Variants in KAZN observed in about 807,000 individuals in gnomAD.
KAZN encodes the protein kazrin, periplakin interacting protein.
In KAZN, 40 loss-of-function variants were observed where a neutral mutation model predicts 87.4. That is an observed-to-expected ratio of 0.46 (90% CI 0.36 to 0.60). The LOEUF (loss-of-function observed/expected upper bound fraction) is 0.60, where lower values mean the gene tolerates loss of function less well. Among genes scored for constraint, KAZN ranks in the 20% least tolerant of loss-of-function variants. The probability of loss-of-function intolerance (pLI) is 0.00; values close to 1 mark genes in which losing one functional copy is unlikely to be tolerated. For synonymous variants in KAZN, 466 were observed against 458.3 expected (o/e 1.02, Z -0.22); for missense variants, 898 against 1,073.9 (o/e 0.84, Z 2.29).
chr1:14,893,353 G>A (rs916871358), intron 1 of KAZN, among the ~76,000 whole-genome samples: 8 of 152,072 alleles, frequency 5.3e-5, no homozygotes, highest in African/African-American at 1.7e-4. Context: ...GCAACAGAGC[G>A]AGACTTTGTT....
In KAZN at chr1:15,103,443, C is replaced by T; in HGVS notation, c.1864C>T (p.Arg622Ter). 1.3e-6 allele frequency: 2 copies of T among 1,549,588 alleles called. No homozygotes were observed. The highest frequency in any genetic ancestry group is 1.7e-6 in the Non-Finnish European group (2 of 1,147,082). ...WTNQRVLKWV[R>*]DIDLKEYADN... ...CAACCAGCGGGTGCTCAAGTGGGTT[C>T]GAGACATCGACCTGAAGGTGAGGGT... Residue 622 changes from arginine to a stop codon, truncating the protein, a stop_gained, in exon 12 of 15, where the codon CGA becomes TGA. Coordinates refer to ENST00000376030, the MANE Select transcript of KAZN (RefSeq NM_201628.3). LOFTEE classifies it high-confidence loss of function.
intron 1 of KAZN, among the ~76,000 whole-genome samples, chr1:14,859,327 G>C (rs1039527309): frequency 6.6e-6 from 1 of 152,150 alleles, no homozygotes; most frequent in Non-Finnish European, 1.5e-5. Flanking sequence ...TGTGCAAGAA[G>C]TATTTTGCCC....
chr1:15,012,444 C>T (rs952446835), intron 2 of KAZN, among the ~76,000 whole-genome samples: 126 of 152,190 alleles, frequency 8.3e-4, no homozygotes, highest in African/African-American at 2.9e-3. Context: ...CAGTTGGTAC[C>T]TCACCGCTGG....
At chr1:14,914,267 A>G (rs546765167) in intron 1 of KAZN, among the ~76,000 whole-genome samples, 1 of 152,274 alleles carries the variant, frequency 6.6e-6, no homozygotes, top group African/African-American at 2.4e-5. Context: ...GGCTTACCTG[A>G]TTAGTCCCCC....
At chr1:14,828,243 G>A (rs945982941) in intron 1 of KAZN, among the ~76,000 whole-genome samples, 1 of 152,198 alleles carries the variant, frequency 6.6e-6, no homozygotes, top group African/African-American at 2.4e-5. Flanking sequence ...TTTTAAAAAG[G>A]AGAAAACAAC....
At chr1:14,721,758 A>G (rs1167014302) in intron 1 of KAZN, among the ~76,000 whole-genome samples, 1 of 152,216 alleles carries the variant, frequency 6.6e-6, no homozygotes, top group Non-Finnish European at 1.5e-5. Flanking sequence ...GTTTATTGTA[A>G]GGCAAATTGA....
intron 1 of KAZN, among the ~76,000 whole-genome samples, chr1:13,901,713 A>G (rs1472638531): frequency 1.3e-5 from 2 of 152,252 alleles, no homozygotes; most frequent in African/African-American, 4.8e-5. Context: ...GGCATCAGCG[A>G]TACTCTTAAC....
At chr1:14,182,565 T>C (rs1646220125) in intron 2 of KAZN, among the ~76,000 whole-genome samples, 1 of 152,210 alleles carries the variant, frequency 6.6e-6, no homozygotes. Flanking sequence ...CCCAGTCCTG[T>C]ATCCTGCTAG....
intron 1 of KAZN, among the ~76,000 whole-genome samples, chr1:14,815,092 C>T (rs2100801205): frequency 6.6e-6 from 1 of 152,260 alleles, no homozygotes; most frequent in Admixed American, 6.5e-5. Context: ...CACGCATTTA[C>T]CAAGGGGCCA....
At chr1:14,164,133 C>T (rs1645769234) in intron 1 of KAZN, among the ~76,000 whole-genome samples, 3 of 152,182 alleles carry the variant, frequency 2.0e-5, no homozygotes, top group African/African-American at 2.4e-5. Flanking sequence ...CATAAATTAC[C>T]TCCAATGCCT....
chr1:14,601,358 A>G (rs1035869759), intron 1 of KAZN, among the ~76,000 whole-genome samples: 2 of 152,358 alleles, frequency 1.3e-5, no homozygotes, highest in East Asian at 1.9e-4. Context: ...AAGCCCCCGT[A>G]TAAGTTCAGT....
At chr1:14,741,653 G>A (rs544851865) in intron 1 of KAZN, among the ~76,000 whole-genome samples, 4 of 152,306 alleles carry the variant, frequency 2.6e-5, no homozygotes, top group African/African-American at 4.8e-5. Flanking sequence ...AAAGGAGAGG[G>A]AGGGAGAAGG....
At chr1:14,190,624 A>G (rs992576997) in intron 2 of KAZN, among the ~76,000 whole-genome samples, 5 of 152,256 alleles carry the variant, frequency 3.3e-5, no homozygotes, top group Middle Eastern at 3.4e-3. Context: ...TAGAGACTAG[A>G]CACCAAGATA....
At chr1:14,544,363 T>C (rs1188173423) in intron 2 of KAZN, among the ~76,000 whole-genome samples, 1 of 148,382 alleles carries the variant, frequency 6.7e-6, no homozygotes, top group Admixed American at 6.7e-5. Context: ...TTTTTTTTTT[T>C]TTTTTTGGTC....
At position 14,099,858 on chromosome 1, in the gene KAZN, G is replaced by A. The variant is rs533974472; in HGVS notation, c.92-80577G>A. Among the ~76,000 whole-genome samples, 3 of 152,170 alleles carry A rather than the reference G, an allele frequency of 2.0e-5. No homozygotes were observed. In the East Asian group the frequency reaches 5.8e-4, roughly 29 times the overall value. ...AATCACCTTCTTTATATCTGATCTGGCTCATGTTAATTGGACAGTGCAAGC... is the reference window on the plus strand; with the variant it reads ...AATCACCTTCTTTATATCTGATCTGACTCATGTTAATTGGACAGTGCAAGC... On this transcript the variant is annotated intron_variant, in intron 1 of 16. Transcript: ENST00000636203.
chr1:14,567,659 T>C (rs554252305), intron 2 of KAZN, among the ~76,000 whole-genome samples: 1 of 152,316 alleles, frequency 6.6e-6, no homozygotes, highest in African/African-American at 2.4e-5. Context: ...AAAAATGGTG[T>C]TTAGTACTGT....
chr1:14,319,145 C>T (rs1486612665), intron 2 of KAZN, among the ~76,000 whole-genome samples: 1 of 150,672 alleles, frequency 6.6e-6, no homozygotes, highest in Non-Finnish European at 1.5e-5. Context: ...GTTAATTTTA[C>T]ATTTGGGGTT....
At chr1:14,451,200 T>C (rs547047204) in intron 2 of KAZN, among the ~76,000 whole-genome samples, 1 of 152,150 alleles carries the variant, frequency 6.6e-6, no homozygotes, top group Non-Finnish European at 1.5e-5. Flanking sequence ...TTTATAGTAA[T>C]GCAAGAATGG....
At chr1:14,180,468 T>A (rs992169937) in exon 2 of KAZN, 101 of 1,550,266 alleles carry the variant, frequency 6.5e-5, no homozygotes, top group Non-Finnish European at 8.7e-5. Flanking sequence ...AATGACCAGA[T>A]TTCCCATTTT....
Sources: gnomAD v4.1 joint callset for allele counts (sites outside exome capture counted in the v4.1 genomes callset) on GRCh38, gnomAD v4.1.1 for gene constraint, MANE v1.5 for transcripts, NCBI Gene and HGNC (gene_info 2026-07-23, HGNC 2026-07-21) for gene names.